Variants in NDST4 observed in about 807,000 individuals in gnomAD.
NDST4 encodes N-heparan sulfate sulfotransferase 4.
In NDST4, 63 loss-of-function variants were observed where a neutral mutation model predicts 100.8. The observed-to-expected ratio is 0.62, with a 90% CI of 0.51 to 0.77. The LOEUF (loss-of-function observed/expected upper bound fraction) is 0.77, where lower values mean the gene tolerates loss of function less well. Among genes scored for constraint, NDST4 ranks in the 30% least tolerant of loss-of-function variants. The pLI is 0.00. For missense variants in NDST4, 943 were observed against 1,018.4 expected (o/e 0.93, Z 1.01); for synonymous variants, 377 against 361.8 (o/e 1.04, Z -0.48).
In NDST4 at chr4:114,970,566, T is replaced by A. The variant is rs769642205; in HGVS notation, c.1085A>T (p.Glu362Val). Residue 362 changes from glutamate (E) to valine (V), a missense_variant, in exon 4 of 14, where the codon GAA becomes GTA. Around this residue, in one of 2 missense-constraint regions of NDST4, gnomAD observed 526 missense variants for 634.1 expected, o/e 0.83. Transcript: ENST00000264363. ...FYHTGTEEEDEGDDLLLRSVD... is the reference protein window; with the variant it reads ...FYHTGTEEEDVGDDLLLRSVD... ...AGACCGAAGTAAAAGGTCATCTCCT[T>A]CATCTTCCTCTTCAGTCCCTTTAAA... 9.9e-6 allele frequency: 16 copies of A among 1,613,660 alleles called. No homozygotes were observed. The African/African-American group carries it at 2.0e-4, about 20-fold the overall frequency.
chr4:114,835,591 CT>C (rs779448708), intron 11 of NDST4, among the ~76,000 whole-genome samples: 1 of 152,138 alleles, frequency 6.6e-6, no homozygotes, highest in Non-Finnish European at 1.5e-5. Context: ...AATGTATATT[CT>C]GTTGATTTGG....
At chr4:114,884,143 T>C (rs1399565178) in intron 6 of NDST4, among the ~76,000 whole-genome samples, 3 of 152,264 alleles carry the variant, frequency 2.0e-5, no homozygotes, top group Middle Eastern at 3.4e-3. Flanking sequence ...TGAATACATA[T>C]GCTGCCCAGA....
chr4:114,972,018 C>T (rs1332330848), intron 3 of NDST4, among the ~76,000 whole-genome samples: 4 of 120,606 alleles, frequency 3.3e-5, no homozygotes, highest in African/African-American at 1.6e-4. Flanking sequence ...GTAGTAAGCA[C>T]TTTTTGAATA....
chr4:115,053,980 G>T (rs924456471), intron 2 of NDST4, among the ~76,000 whole-genome samples: 1 of 151,934 alleles, frequency 6.6e-6, no homozygotes, highest in African/African-American at 2.4e-5. Context: ...AATCACTTTG[G>T]CTCTTAGTAA....
rs144253170 is a variant in NDST4, at chr4:114,941,796, GT to G, written c.1222-4294del. 3.6e-3 allele frequency among the ~76,000 whole-genome samples: 548 copies of G among 152,226 alleles called. 4 individuals are homozygous for G. Among genetic ancestry groups the G allele is most frequent in the African/African-American group, 0.012 (501 of 41,544 alleles). ...GTACAGCGTACAATCTGCTCCATGAGTCCTTCCAAAGATTTTGGAAGCACTG... is the reference window on the plus strand; with the variant it reads ...GTACAGCGTACAATCTGCTCCATGAGCCTTCCAAAGATTTTGGAAGCACTG... On this transcript the variant is annotated intron_variant, in intron 4 of 13. Transcript: ENST00000264363.
At chr4:114,886,093 A>C (rs996601047) in intron 6 of NDST4, among the ~76,000 whole-genome samples, 1 of 152,140 alleles carries the variant, frequency 6.6e-6, no homozygotes, top group Non-Finnish European at 1.5e-5. Flanking sequence ...AAGTTATGCT[A>C]TATTTCAAAA....
intron 1 of NDST4, among the ~76,000 whole-genome samples, chr4:115,088,649 C>T (rs1242375181): frequency 6.6e-6 from 1 of 151,816 alleles, no homozygotes; most frequent in Admixed American, 6.6e-5. Context: ...CCCACTCCCG[C>T]CCCCAATCCA....
At chr4:115,040,789 G>A (rs1003299991) in intron 2 of NDST4, among the ~76,000 whole-genome samples, 2 of 151,842 alleles carry the variant, frequency 1.3e-5, no homozygotes, top group Non-Finnish European at 2.9e-5. Flanking sequence ...TCCCACCAAA[G>A]TTAGAATAAT....
intron 2 of NDST4, among the ~76,000 whole-genome samples, chr4:114,993,502 T>C (rs1727094971): frequency 6.6e-6 from 1 of 151,968 alleles, no homozygotes; most frequent in Non-Finnish European, 1.5e-5. Context: ...CAGTTTGGTA[T>C]CACACTTCCC....
At chr4:114,987,363 C>T (rs1578434031) in intron 2 of NDST4, among the ~76,000 whole-genome samples, 1 of 152,204 alleles carries the variant, frequency 6.6e-6, no homozygotes, top group East Asian at 1.9e-4. Context: ...AAAATCCTGG[C>T]TTTTGTGTTG....
intron 2 of NDST4, among the ~76,000 whole-genome samples, chr4:115,017,405 A>G (rs2126263265): frequency 6.6e-6 from 1 of 152,168 alleles, no homozygotes; most frequent in South Asian, 2.1e-4. Flanking sequence ...ACCCAAATAA[A>G]AAAGCCACAT....
rs146125655 is a variant in NDST4 at position 115,053,231 on chromosome 4, C to T, written c.978+22828G>A. On this transcript the variant is annotated intron_variant, in intron 2 of 13. Transcript: ENST00000264363. The stretch of plus-strand genomic sequence containing the variant: ...AAATAAAATTGTGTTGTCTTATTTA[C>T]GAAGAAATCTAGATAGTAACCAGTG... Among the ~76,000 whole-genome samples the T allele has an allele frequency of 3.8e-3, 578 of 152,040 alleles. 6 individuals are homozygous for T. Among genetic ancestry groups the T allele is most frequent in the African/African-American group, 0.013 (532 of 41,468 alleles).
intron 3 of NDST4, among the ~76,000 whole-genome samples, chr4:114,972,523 T>G (rs1049834806): frequency 2.0e-5 from 3 of 152,048 alleles, no homozygotes; most frequent in African/African-American, 7.2e-5. Flanking sequence ...ATTCATTGAC[T>G]TTTGTTAATA....
chr4:115,091,216 C>T (rs1018504418), intron 1 of NDST4, among the ~76,000 whole-genome samples: 3 of 151,878 alleles, frequency 2.0e-5, no homozygotes, highest in African/African-American at 7.3e-5. Flanking sequence ...TAAGTATATA[C>T]AATAATATGC....
chr4:115,010,972 C>T (rs76621297), intron 2 of NDST4, among the ~76,000 whole-genome samples: 2,465 of 151,970 alleles, frequency 0.016, 59 homozygotes, highest in African/African-American at 0.055. Context: ...TTAAACATGG[C>T]AAAAATAATA....
chr4:114,961,643 G>T (rs1357052909), intron 4 of NDST4, among the ~76,000 whole-genome samples: 1 of 151,944 alleles, frequency 6.6e-6, no homozygotes, highest in Non-Finnish European at 1.5e-5. Flanking sequence ...GACTCAAATG[G>T]AGATAGAAAA....
At chr4:115,039,497 A>T (rs1728303570) in intron 2 of NDST4, among the ~76,000 whole-genome samples, 1 of 152,204 alleles carries the variant, frequency 6.6e-6, no homozygotes, top group African/African-American at 2.4e-5. Context: ...TAGGACAAAT[A>T]AATTGATATA....
At chr4:114,828,383 A>G (rs964117736) in intron 13 of NDST4, among the ~76,000 whole-genome samples, 2 of 152,188 alleles carry the variant, frequency 1.3e-5, no homozygotes, top group African/African-American at 4.8e-5. Context: ...ATTCACTATT[A>G]CAAATAATAA....
chr4:115,097,115 C>T (rs1729635292), intron 1 of NDST4, among the ~76,000 whole-genome samples: 1 of 151,986 alleles, frequency 6.6e-6, no homozygotes. Context: ...TTCCCCAGGG[C>T]CTATTCTTTA....
Sources: gnomAD v4.1 joint callset for allele counts (sites outside exome capture counted in the v4.1 genomes callset) on GRCh38, gnomAD v4.1.1 for gene constraint, gnomAD v4.1.1 regional missense constraint, MANE v1.5 for transcripts, NCBI Gene and HGNC (gene_info 2026-07-23, HGNC 2026-07-21) for gene names.